Variants in DLEU7 observed in about 807,000 individuals in gnomAD.
DLEU7 encodes the protein deleted in lymphocytic leukemia 7, also known as leukemia-associated protein 7.
DLEU7 carries 17 observed loss-of-function variants against 16.0 expected under a neutral mutation model. The ratio of observed to expected loss-of-function variants is 1.06; its 90% CI spans 0.73 to 1.59. The LOEUF (loss-of-function observed/expected upper bound fraction) is 1.59, where lower values mean the gene tolerates loss of function less well. Among genes scored for constraint, DLEU7 ranks in the 40% most tolerant of loss-of-function variants. DLEU7 has a pLI of 0.00. For synonymous variants in DLEU7, 113 were observed against 139.8 expected, an observed-to-expected ratio of 0.81 and a Z score of 1.35; for missense variants, 308 against 314.9, an observed-to-expected ratio of 0.98 and a Z score of 0.17.
chr13:50,744,667 TA>T (rs1363229589), intron 1 of DLEU7, among the ~76,000 whole-genome samples: 1 of 152,206 alleles, frequency 6.6e-6, no homozygotes, highest in Non-Finnish European at 1.5e-5. Context: ...ACAAATTATA[TA>T]TCTAATAATG....
At chr13:50,749,337 T>C (rs56290611) in intron 1 of DLEU7, among the ~76,000 whole-genome samples, 2 of 152,172 alleles carry the variant, frequency 1.3e-5, no homozygotes, top group African/African-American at 2.4e-5. Flanking sequence ...CACTCTTTGA[T>C]TGATGGGCAT....
At chr13:50,827,477 G>A (rs187295724) in intron 1 of DLEU7, among the ~76,000 whole-genome samples, 10 of 151,496 alleles carry the variant, frequency 6.6e-5, no homozygotes, top group South Asian at 2.1e-4. Flanking sequence ...CCAGGAGTTC[G>A]AGACCAGCCT....
At chr13:50,714,393 A>G (rs1873378963) in intron 1 of DLEU7, among the ~76,000 whole-genome samples, 1 of 152,202 alleles carries the variant, frequency 6.6e-6, no homozygotes, top group Non-Finnish European at 1.5e-5. Flanking sequence ...CATCTGGCAT[A>G]TCATTAGAAT....
chr13:50,779,284 A>G (rs1053966657), intron 1 of DLEU7, among the ~76,000 whole-genome samples: 1 of 152,180 alleles, frequency 6.6e-6, no homozygotes, highest in Non-Finnish European at 1.5e-5. Context: ...TGAACCAGTA[A>G]TTTTGTGGGA....
chr13:50,821,530 G>C (rs1484817684), downstream of DLEU7, among the ~76,000 whole-genome samples: 1 of 152,132 alleles, frequency 6.6e-6, no homozygotes, highest in Admixed American at 6.6e-5. Context: ...AGCACAAAAT[G>C]TGTTCTATGG....
chr13:50,797,289 AG>A (rs1375575894), intron 1 of DLEU7, among the ~76,000 whole-genome samples: 3 of 152,196 alleles, frequency 2.0e-5, no homozygotes, highest in Admixed American at 2.0e-4. Flanking sequence ...AGTCCAAGGC[AG>A]GAAGCTCAGA....
Position 50,843,663 on chromosome 13 carries a change from C to T in DLEU7, c.-17G>A, listed in dbSNP as rs77540621. 0.057 allele frequency: 84,819 copies of T among 1,498,116 alleles called. 3,368 individuals are homozygous for T. Among genetic ancestry groups the T allele is most frequent in the African/African-American group, 0.18 (12,324 of 69,316 alleles). The allele number at this position is 1,498,116 out of a possible 1,614,324, so 92.8% of individuals were successfully genotyped here. A position where few individuals can be genotyped will look rare whatever the true frequency, so the allele number is the denominator to read the frequency against. ...GCTGGCCATCGCCTCCGCTGGCGGC[C>T]CGGCGCGCTCCGCGTGCAGGTGGAG... On this transcript the variant is annotated 5_prime_UTR_variant, in exon 1 of 2. Coordinates refer to ENST00000504404, the MANE Select transcript of DLEU7 (RefSeq NM_001306135.2). The surrounding 1 kb of genome is among the most constrained non-coding windows in gnomAD (Gnocchi z 5.7).
downstream of DLEU7, among the ~76,000 whole-genome samples, chr13:50,822,341 T>G (rs1261852235): frequency 6.6e-6 from 1 of 152,226 alleles, no homozygotes; most frequent in African/African-American, 2.4e-5. Flanking sequence ...GAAAACAAGC[T>G]GCACATAATC....
At position 50,782,897 on chromosome 13, in the gene DLEU7, C is replaced by G. The variant is rs924849814; in HGVS notation, c.459+60291G>C. ...TGCTGTTGGTGCCTGGGTCCACCTC[C>G]CCTCAGCCTGCGTTCACCTACAACA... On this transcript the variant is annotated intron_variant, in intron 1 of 1. Transcript: ENST00000400393. 2.0e-5 allele frequency among the ~76,000 whole-genome samples: 3 copies of G among 152,300 alleles called. No homozygotes were observed. In the East Asian group the frequency reaches 5.8e-4, roughly 29 times the overall value.
intron 1 of DLEU7, among the ~76,000 whole-genome samples, chr13:50,739,072 T>C (rs894405589): frequency 7.9e-5 from 12 of 152,060 alleles, no homozygotes; most frequent in Admixed American, 2.0e-4. Flanking sequence ...CTTTCCTGCC[T>C]TGCGGCTTTA....
At chr13:50,782,939 T>C (rs949088602) in intron 1 of DLEU7, among the ~76,000 whole-genome samples, 10 of 152,188 alleles carry the variant, frequency 6.6e-5, no homozygotes, top group Admixed American at 2.0e-4. Context: ...CCCAAGACAG[T>C]TTCCCACTTC....
chr13:50,836,370 GAGA>G (rs1214186454), intron 1 of DLEU7, among the ~76,000 whole-genome samples: 10 of 102,956 alleles, frequency 9.7e-5, no homozygotes, highest in Admixed American at 7.2e-4. Flanking sequence ...AGAAGAAAGA[GAGA>G]AAAAGGAAAG....
intron 1 of DLEU7, among the ~76,000 whole-genome samples, chr13:50,716,285 A>G (rs895668763): frequency 1.3e-5 from 2 of 152,354 alleles, no homozygotes; most frequent in African/African-American, 4.8e-5. Context: ...ATCTCCATTA[A>G]CAGGAACTCA....
chr13:50,752,121 G>A (rs1398599266), intron 1 of DLEU7, among the ~76,000 whole-genome samples: 40 of 147,896 alleles, frequency 2.7e-4, no homozygotes, highest in Admixed American at 2.5e-3. Context: ...GCACAATCTC[G>A]GCTCATTGCA....
In DLEU7 at chr13:50,792,472, C is replaced by T. The variant is rs940017909; in HGVS notation, c.459+50716G>A. 4.6e-5 allele frequency among the ~76,000 whole-genome samples: 7 copies of T among 152,176 alleles called. 1 individual carries two copies. The highest frequency in any genetic ancestry group is 8.8e-5 in the Non-Finnish European group (6 of 68,022). ...CCCTAAAATGTCCAGCACCCCAGCA[C>T]GACTCCACACAGATAGGAGTATGCT... is the stretch of plus-strand genomic sequence containing the variant. On this transcript the variant is annotated intron_variant, in intron 1 of 1. Coordinates refer to the DLEU7 transcript ENST00000400393.
intron 1 of DLEU7, among the ~76,000 whole-genome samples, chr13:50,767,331 C>T (rs906579091): frequency 2.0e-4 from 31 of 152,022 alleles, no homozygotes; most frequent in Non-Finnish European, 7.4e-5. Context: ...TGGCGGGCGC[C>T]TGTAGTCCCA....
intron 1 of DLEU7, among the ~76,000 whole-genome samples, chr13:50,807,002 G>A (rs1176091361): frequency 1.5e-5 from 2 of 134,544 alleles, no homozygotes; most frequent in Non-Finnish European, 3.1e-5. Flanking sequence ...AAAAAAAGTC[G>A]GTCTGCTCCT....
chr13:50,727,662 G>A (rs560636191), intron 1 of DLEU7, among the ~76,000 whole-genome samples: 1 of 152,128 alleles, frequency 6.6e-6, no homozygotes, highest in African/African-American at 2.4e-5. Flanking sequence ...TACCTCCAGG[G>A]TTGCTGTGTC....
chr13:50,841,274 T>A (rs1444397134), intron 1 of DLEU7, among the ~76,000 whole-genome samples: 1 of 152,212 alleles, frequency 6.6e-6, no homozygotes, highest in East Asian at 1.9e-4. Flanking sequence ...GTTTTTGCCT[T>A]CTGCCATATT....
Sources: gnomAD v4.1 joint callset for allele counts (sites outside exome capture counted in the v4.1 genomes callset) on GRCh38, gnomAD v4.1.1 for gene constraint, Gnocchi (gnomAD v3.1) non-coding constraint, MANE v1.5 for transcripts, NCBI Gene and HGNC (gene_info 2026-07-23, HGNC 2026-07-21) for gene names.